ITPR1: variants seen among roughly 807,000 people sequenced by gnomAD.
ITPR1 encodes inositol 1,4,5-trisphosphate-gated calcium channel ITPR1.
A neutral mutation model predicts 318.4 loss-of-function variants in ITPR1; 96 were observed. The observed-to-expected ratio is 0.30, with a 90% CI of 0.26 to 0.36. ITPR1 has a LOEUF of 0.36. ITPR1 is among the 10% of genes least tolerant of loss of function. ITPR1 has a pLI of 1.00. For missense variants in ITPR1, 2,440 were observed against 3,460.2 expected (o/e 0.71, Z 7.40); for synonymous variants, 1,312 against 1,289.9 (o/e 1.02, Z -0.37).
chr3:4,645,311 G>T, intron 8 of ITPR1, 76 bp from the exon 9 acceptor site: 1 of 960,118 alleles, frequency 1.0e-6, no homozygotes, highest in Admixed American at 1.9e-5. Context: ...CCTAGGCTGC[G>T]GTGAGAAGTC....
intron 31 of ITPR1, among the ~76,000 whole-genome samples, chr3:4,689,371 G>T (rs866304370): frequency 5.3e-5 from 8 of 152,230 alleles, no homozygotes; most frequent in South Asian, 2.1e-4. Flanking sequence ...TTGCTGGATT[G>T]TAGGATAATA....
At chr3:4,552,774 T>G (rs2085698961) in intron 4 of ITPR1, among the ~76,000 whole-genome samples, 2 of 152,184 alleles carry the variant, frequency 1.3e-5, no homozygotes, top group African/African-American at 4.8e-5. Context: ...AATCCTGCCT[T>G]GTTTTTTTCT....
chr3:4,610,293 C>G (rs1168388548), intron 4 of ITPR1, among the ~76,000 whole-genome samples: 1 of 152,096 alleles, frequency 6.6e-6, no homozygotes, highest in Non-Finnish European at 1.5e-5. Flanking sequence ...CTCCCTCTCC[C>G]TGATGACACT....
intron 60 of ITPR1, among the ~76,000 whole-genome samples, chr3:4,831,847 T>G (rs1252345287): frequency 1.3e-5 from 2 of 152,200 alleles, no homozygotes; most frequent in Admixed American, 6.5e-5. Context: ...GATTCAGGTG[T>G]TCTCTCTGTG....
chr3:4,629,064 C>CTAAGCATGAGACATG (rs11272465), intron 5 of ITPR1, among the ~76,000 whole-genome samples: 1 of 152,060 alleles, frequency 6.6e-6, no homozygotes, highest in African/African-American at 2.4e-5. Context: ...ATGAGGACAC[C>CTAAGCATGAGACATG]TAAGCTCACT....
intron 2 of ITPR1, among the ~76,000 whole-genome samples, chr3:4,500,970 C>T (rs990540980): frequency 6.6e-5 from 10 of 152,096 alleles, no homozygotes; most frequent in Admixed American, 4.6e-4. Flanking sequence ...CCTCTCACCT[C>T]GGTCTCCTGA....
In ITPR1 at chr3:4,798,936, G is replaced by C. The variant is rs1282424508; in HGVS notation, c.6932-1489G>C. Among the ~76,000 whole-genome samples the C allele has an allele frequency of 2.0e-5, 3 of 152,178 alleles. No homozygotes were observed. The East Asian group carries it at 5.8e-4, about 29-fold the overall frequency. On this transcript the variant is annotated intron_variant, in intron 53 of 61. Transcript: ENST00000649015. The stretch of plus-strand genomic sequence containing the variant: ...CAGTGGTAGCTGGGGGTAGGGATGG[G>C]GCAAGGCATCACCTGCAAAGAGGCA...
chr3:4,501,812 C>G (rs1159194059), intron 2 of ITPR1, among the ~76,000 whole-genome samples: 3 of 152,220 alleles, frequency 2.0e-5, no homozygotes, highest in Non-Finnish European at 2.9e-5. Flanking sequence ...GGCACATGTA[C>G]CCCTACTTAG....
intron 22 of ITPR1, 54 bp from the exon 23 acceptor site, chr3:4,675,014 G>A (rs2094155584): frequency 1.1e-6 from 1 of 950,816 alleles, no homozygotes; most frequent in Admixed American, 2.2e-5. Context: ...AAATGGAATT[G>A]AAGGGGATGC....
chr3:4,713,585 T>C (rs1281884497), intron 39 of ITPR1, among the ~76,000 whole-genome samples: 1 of 152,162 alleles, frequency 6.6e-6, no homozygotes, highest in African/African-American at 2.4e-5. Flanking sequence ...TAGTGCCAAC[T>C]GGGAGAGCAT....
chr3:4,574,394 CATT>C (rs1174363435), intron 4 of ITPR1, among the ~76,000 whole-genome samples: 1 of 152,156 alleles, frequency 6.6e-6, no homozygotes, highest in African/African-American at 2.4e-5. Flanking sequence ...GATTTTAAAG[CATT>C]ATAAAGCAAA....
chr3:4,614,879 G>A (rs551296979), intron 4 of ITPR1, among the ~76,000 whole-genome samples: 1 of 152,298 alleles, frequency 6.6e-6, no homozygotes, highest in South Asian at 2.1e-4. Flanking sequence ...CTTGGGTGAT[G>A]GTGAAAGCCT....
At chr3:4,641,028 C>T (rs78019069) in intron 6 of ITPR1, among the ~76,000 whole-genome samples, 2,101 of 152,222 alleles carry the variant, frequency 0.014, 49 homozygotes, top group African/African-American at 0.048. Flanking sequence ...CTGCGCTGTT[C>T]GGGGATTTGG....
intron 53 of ITPR1, among the ~76,000 whole-genome samples, chr3:4,798,400 C>T (rs113041642): frequency 0.011 from 1,663 of 152,328 alleles, 37 homozygotes; most frequent in African/African-American, 0.038. Context: ...AATCACCACA[C>T]CATACCACTG....
chr3:4,672,204 T>C lies in ITPR1; in HGVS notation c.2205-932T>C, dbSNP rs565880922. Reference sequence around the variant, plus strand: ...GAGGTGGGCTTGGAGGATATTCATATTTTAAGCTTTACTAAGCAATTCTAA... The same window carrying C: ...GAGGTGGGCTTGGAGGATATTCATACTTTAAGCTTTACTAAGCAATTCTAA... On this transcript the variant is annotated intron_variant, in intron 20 of 61. Transcript: ENST00000649015. Among the ~76,000 whole-genome samples, 7 of 152,368 alleles carry C rather than the reference T, an allele frequency of 4.6e-5. No homozygotes were observed. In the East Asian group the frequency reaches 1.3e-3, roughly 29 times the overall value.
At chr3:4,713,048 A>G (rs188220851) in intron 39 of ITPR1, among the ~76,000 whole-genome samples, 1 of 152,296 alleles carries the variant, frequency 6.6e-6, no homozygotes, top group East Asian at 1.9e-4. Flanking sequence ...ATACCTGTAT[A>G]GGCACCTAGT....
At chr3:4,668,002 T>C (rs1477937818) in intron 18 of ITPR1, among the ~76,000 whole-genome samples, 1 of 152,176 alleles carries the variant, frequency 6.6e-6, no homozygotes, top group African/African-American at 2.4e-5. Context: ...AGGCATGCAA[T>C]GTGTAATAAT....
intron 60 of ITPR1, among the ~76,000 whole-genome samples, chr3:4,832,971 C>T (rs74327161): frequency 0.011 from 1,601 of 152,296 alleles, 35 homozygotes; most frequent in African/African-American, 0.037. Context: ...GTAGGGCCTC[C>T]GTGCAGCTCC....
chr3:4,494,846 G>C (rs939548478), intron 2 of ITPR1, among the ~76,000 whole-genome samples: 33 of 152,212 alleles, frequency 2.2e-4, no homozygotes, highest in Admixed American at 1.8e-3. Context: ...CATTTCATAT[G>C]CCAAAATGTG....
Sources: gnomAD v4.1 joint callset for allele counts (sites outside exome capture counted in the v4.1 genomes callset) on GRCh38, gnomAD v4.1.1 for gene constraint, MANE v1.5 for transcripts, NCBI Gene and HGNC (gene_info 2026-07-23, HGNC 2026-07-21) for gene names.